The following SHPK variants were observed in gnomAD, a reference collection of about 807,000 sequenced individuals.
SHPK encodes sedoheptulokinase.
In SHPK, 51 loss-of-function variants were observed where a neutral mutation model predicts 46.3. That is an observed-to-expected ratio of 1.10 (90% CI 0.88 to 1.39). SHPK has a LOEUF of 1.39. SHPK is among the 40% of genes most tolerant of loss of function. The probability of loss-of-function intolerance (pLI) is 0.00; values close to 1 mark genes in which losing one functional copy is unlikely to be tolerated. For synonymous variants in SHPK, 290 were observed against 273.9 expected, an observed-to-expected ratio of 1.06 and a Z score of -0.58; for missense variants, 668 against 641.3, an observed-to-expected ratio of 1.04 and a Z score of -0.45.
In SHPK at chr17:3,610,595, T is replaced by C. The variant is rs1287027811; in HGVS notation, c.1402A>G (p.Met468Val). The C allele has an allele frequency of 6.2e-7, 1 of 1,611,494 alleles. No individual in the cohort carries two copies. The highest frequency in any genetic ancestry group is 8.5e-7 in the Non-Finnish European group (1 of 1,177,998). Residue 468 changes from methionine (M) to valine (V), a missense_variant, in exon 7 of 7, where the codon ATG (methionine) becomes GTG (valine). By Grantham distance (21) the Met-to-Val change is conservative. Transcript: ENST00000225519. ...VDAAVGAALV[M>V]LRRHLNQKES ...TTCTGGTTGAGGTGTCTCCGGAGCATGACCAGAGCTGCCCCGACAGCTGCA... is the reference window on the plus strand; with the variant it reads ...TTCTGGTTGAGGTGTCTCCGGAGCACGACCAGAGCTGCCCCGACAGCTGCA...
chr17:3,623,098 G>A (rs2075412376), intron 4 of SHPK, among the ~76,000 whole-genome samples: 1 of 152,200 alleles, frequency 6.6e-6, no homozygotes, highest in Non-Finnish European at 1.5e-5. Flanking sequence ...CCTGGGGTCT[G>A]GGCGGCTGTG....
At chr17:3,636,008 C>A in intron 1 of SHPK, 44 bp downstream of exon 1, 1 of 1,498,006 alleles carries the variant, frequency 6.7e-7, no homozygotes, top group South Asian at 1.3e-5. Flanking sequence ...AAAGGGTGGT[C>A]AGGAGGCTCC....
chr17:3,620,696 G>T (rs1229658273), intron 5 of SHPK, among the ~76,000 whole-genome samples: 1 of 152,076 alleles, frequency 6.6e-6, no homozygotes, highest in Non-Finnish European at 1.5e-5. Context: ...GAGTAGCTGG[G>T]ATTACAGGCA....
rs1050170434 is a variant in SHPK at position 3,630,316 on chromosome 17, G to A, written c.199C>T (p.Gln67Ter). Reference protein sequence around the residue: ...GREQDVSRILQALHECLAALP... With the variant: ...GREQDVSRIL ...GCAGCAAGGCACTCGTGTAGGGCTT[G>A]GAGGATTCTACTCACATCCTGCTCC... The change falls in exon 2 of 7, where the codon CAA (glutamine) becomes TAA (stop). Residue 67 changes from glutamine (Q) to a stop codon, truncating the protein, a stop_gained. Coordinates refer to ENST00000225519, the MANE Select transcript of SHPK (RefSeq NM_013276.4). LOFTEE classifies it high-confidence loss of function. 4 of 1,613,172 alleles carry A rather than the reference G, an allele frequency of 2.5e-6. No homozygotes were observed. The African/African-American group carries it at 5.3e-5, about 22-fold the overall frequency.
At position 3,630,256 on chromosome 17, in the gene SHPK, T is replaced by C; in HGVS notation, c.259A>G (p.Ile87Val). The change falls in exon 2 of 7, where the codon ATC (isoleucine) becomes GTC (valine). Residue 87 changes from isoleucine to valine, a missense_variant. Ile to Val is a conservative substitution (Grantham distance 29, BLOSUM62 3). Transcript: ENST00000225519. Reference protein sequence around the residue: ...PRPQLRSVVGIGVSGQMHGVV... With the variant: ...PRPQLRSVVGVGVSGQMHGVV... ...CCATGCATCTGGCCCGACACCCCGA[T>C]GCCCACGACGCTCCGGAGCTGGGGT... 6.2e-7 allele frequency: 1 copy of C among 1,613,546 alleles called. No individual in the cohort carries two copies. Among genetic ancestry groups the C allele is most frequent in the Non-Finnish European group, 8.5e-7 (1 of 1,179,928 alleles).
chr17:3,612,459 C>T (rs2075345768), intron 6 of SHPK, among the ~76,000 whole-genome samples: 2 of 150,116 alleles, frequency 1.3e-5, no homozygotes, highest in South Asian at 2.1e-4. Flanking sequence ...GGTTTCGATA[C>T]ACTTTGACCT....
chr17:3,619,376 G>T (rs1458276043), intron 5 of SHPK: 11 of 1,532,502 alleles, frequency 7.2e-6, no homozygotes, highest in Non-Finnish European at 9.9e-6. Flanking sequence ...ACCATTCCGG[G>T]TGATGATTCA....
rs529601837 is a variant in SHPK at position 3,622,409 on chromosome 17, C to T, written c.647+930G>A. The T allele has an allele frequency of 3.3e-5, 6 of 179,316 alleles. No homozygotes were observed. In the South Asian group the frequency reaches 9.4e-4, roughly 28 times the overall value. 11.1% of individuals were successfully genotyped at this position (179,316 alleles called of 1,614,324 possible). A position where few individuals can be genotyped will look rare whatever the true frequency, so the allele number is the denominator to read the frequency against. The stretch of plus-strand genomic sequence containing the variant: ...CAAAGGGAGGCAGCCGGAGGTTCGG[C>T]GCCATTATGGTTGGTGAGCACAGCC... On this transcript the variant is annotated intron_variant, in intron 4 of 6. Coordinates refer to ENST00000225519, the MANE Select transcript of SHPK (RefSeq NM_013276.4).
Position 3,623,510 on chromosome 17 carries a change from A to G in SHPK, c.495-19T>C, listed in dbSNP as rs746872079. On this transcript the variant is annotated intron_variant, in intron 3 of 6. Coordinates refer to ENST00000225519, the MANE Select transcript of SHPK (RefSeq NM_013276.4). ...CTCTGGGCTGTTTTTCATACCAAAAACAACCAACACGGTATAACATGAACT... is the reference window on the plus strand; with the variant it reads ...CTCTGGGCTGTTTTTCATACCAAAAGCAACCAACACGGTATAACATGAACT... The G allele has an allele frequency of 2.5e-6, 4 of 1,613,308 alleles. No homozygotes were observed. The highest frequency in any genetic ancestry group is 3.4e-6 in the Non-Finnish European group (4 of 1,179,216).
chr17:3,621,437 C>T (rs767085997), intron 4 of SHPK, 25 bp from the exon 5 acceptor site: 2 of 1,606,170 alleles, frequency 1.2e-6, no homozygotes, highest in Non-Finnish European at 1.7e-6. Context: ...TGGACACCCA[C>T]ATGGACCCAC....
intron 2 of SHPK, among the ~76,000 whole-genome samples, chr17:3,627,810 G>C (rs901927338): frequency 1.1e-4 from 17 of 151,594 alleles, no homozygotes; most frequent in African/African-American, 4.1e-4. Context: ...AAGGGTTTTA[G>C]TATTAAAAGG....
chr17:3,622,455 C>T, intron 4 of SHPK: 1 of 380,562 alleles, frequency 2.6e-6, no homozygotes, highest in Non-Finnish European at 3.6e-6. Context: ...TCAAATGCAG[C>T]AGGCTCCTGA....
At chr17:3,621,197 G>C (rs780192682) in intron 5 of SHPK, 40 bp downstream of exon 5, 7 of 1,520,752 alleles carry the variant, frequency 4.6e-6, no homozygotes, top group Admixed American at 4.1e-5. Flanking sequence ...TGAGGCAGGC[G>C]ACAGTGTAAG....
Position 3,624,110 on chromosome 17 carries a change from C to T in SHPK, c.432G>A (p.Lys144=). ...AGCCCGTGGCCACACTGAGATGAGA[C>T]TTCGGCTGGGGCAGAGAGGCCAGGA... ...SEFLASLPQP[K]SHLSVATGFG... The change falls in exon 3 of 7, where the codon AAG becomes AAA. Residue 144 remains lysine (K), a synonymous_variant. Transcript: ENST00000225519. 6.2e-7 allele frequency: 1 copy of T among 1,614,178 alleles called. No homozygotes were observed. Among genetic ancestry groups the T allele is most frequent in the Non-Finnish European group, 8.5e-7 (1 of 1,179,990 alleles).
chr17:3,625,125 C>T (rs941598526), intron 2 of SHPK, among the ~76,000 whole-genome samples: 4 of 152,168 alleles, frequency 2.6e-5, no homozygotes, highest in Admixed American at 6.6e-5. Context: ...GGCCCAGATG[C>T]CACCAAATAT....
intron 6 of SHPK, among the ~76,000 whole-genome samples, chr17:3,613,595 C>G (rs2075354226): frequency 6.6e-6 from 1 of 152,126 alleles, no homozygotes; most frequent in African/African-American, 2.4e-5. Context: ...TCTCGAACTC[C>G]TGACCTCAGG....
intron 6 of SHPK, among the ~76,000 whole-genome samples, chr17:3,612,488 A>G (rs1175204339): frequency 6.6e-6 from 1 of 151,896 alleles, no homozygotes; most frequent in Admixed American, 6.6e-5. Context: ...CTTTTGATCT[A>G]TAACCTCGCA....
rs775555752 is a variant in SHPK, at chr17:3,636,227, C to G, written c.-8G>C. On this transcript the variant is annotated 5_prime_UTR_variant, in exon 1 of 7. Coordinates refer to ENST00000225519, the MANE Select transcript of SHPK (RefSeq NM_013276.4). ...GATCGGCCGCGCAGCCATTATCTCC[C>G]TGACCCGCGCAGCTCCAGTCTGCAG... is the stretch of plus-strand genomic sequence containing the variant. 6.3e-6 allele frequency: 10 copies of G among 1,594,046 alleles called. No homozygotes were observed. Among genetic ancestry groups the G allele is most frequent in the Non-Finnish European group, 7.7e-6 (9 of 1,166,360 alleles).
chr17:3,632,478 C>G (rs2075478717), intron 1 of SHPK, among the ~76,000 whole-genome samples: 1 of 152,020 alleles, frequency 6.6e-6, no homozygotes, highest in African/African-American at 2.4e-5. Flanking sequence ...TCAAATGGTC[C>G]CAGGGTGAGT....
Sources: gnomAD v4.1 joint callset for allele counts (sites outside exome capture counted in the v4.1 genomes callset) on GRCh38, gnomAD v4.1.1 for gene constraint, MANE v1.5 for transcripts, NCBI Gene and HGNC (gene_info 2026-07-23, HGNC 2026-07-21) for gene names.